The following KLF12 variants were observed in gnomAD, a reference collection of about 807,000 sequenced individuals.
KLF12 encodes KLF transcription factor 12, also known as Krueppel-like factor 12.
Under a neutral mutation model 37.8 loss-of-function variants are expected in KLF12, and 9 were observed. That is an observed-to-expected ratio of 0.24 (90% CI 0.14 to 0.42). The LOEUF is 0.42. KLF12 is among the 10% of genes least tolerant of loss of function. KLF12 has a pLI of 1.00. For synonymous variants in KLF12, 208 were observed against 202.1 expected (o/e 1.03, Z -0.25); for missense variants, 411 against 516.0 (o/e 0.80, Z 1.97).
chr13:74,053,440 A>G (rs1158482722), intron 1 of KLF12, among the ~76,000 whole-genome samples: 1 of 151,914 alleles, frequency 6.6e-6, no homozygotes, highest in African/African-American at 2.4e-5. Context: ...AGTCCTTCCC[A>G]TGTATTAATT....
the KLF12 span, among the ~76,000 whole-genome samples, chr13:74,194,019 T>C: frequency 6.6e-6 from 1 of 152,180 alleles, no homozygotes; most frequent in Admixed American, 6.5e-5. Context: ...ATATTTGTTG[T>C]AAGGGAAAGA....
chr13:73,916,207 T>G (rs930512112), intron 3 of KLF12, among the ~76,000 whole-genome samples: 2 of 77,814 alleles, frequency 2.6e-5, no homozygotes, highest in Non-Finnish European at 5.1e-5. Context: ...GAGCTAATAC[T>G]TACACACACA....
At chr13:74,140,692 A>G in the KLF12 span, among the ~76,000 whole-genome samples, 910 of 152,098 alleles carry the variant, frequency 6.0e-3, 13 homozygotes, top group African/African-American at 0.02. Flanking sequence ...GATGGGCTGA[A>G]TACAACTCCT....
At chr13:74,297,509 G>T in the KLF12 span, among the ~76,000 whole-genome samples, 1 of 152,236 alleles carries the variant, frequency 6.6e-6, no homozygotes, top group Non-Finnish European at 1.5e-5. Context: ...CAAGCTTGAA[G>T]TGTCTCTATA....
chr13:74,062,589 T>C (rs924468309), intron 1 of KLF12, among the ~76,000 whole-genome samples: 1 of 152,226 alleles, frequency 6.6e-6, no homozygotes, highest in African/African-American at 2.4e-5. Flanking sequence ...AAAATGCAAT[T>C]TACAAGTATT....
the KLF12 span, among the ~76,000 whole-genome samples, chr13:74,247,644 A>AT: frequency 1.3e-5 from 2 of 151,896 alleles, no homozygotes; most frequent in African/African-American, 2.4e-5. Context: ...TATTATTATT[A>AT]TTTTTTTGTA....
chr13:74,273,968 A>G, the KLF12 span, among the ~76,000 whole-genome samples: 1 of 152,308 alleles, frequency 6.6e-6, no homozygotes, highest in South Asian at 2.1e-4. Context: ...TGCAGTGATC[A>G]AACATCATAG....
intron 3 of KLF12, among the ~76,000 whole-genome samples, chr13:73,904,785 T>G (rs531796996): frequency 6.6e-6 from 1 of 152,152 alleles, no homozygotes; most frequent in Admixed American, 6.5e-5. Flanking sequence ...TTAACAGTGA[T>G]GCGTGTAGTT....
chr13:73,852,380 C>G (rs1408767248), intron 3 of KLF12, among the ~76,000 whole-genome samples: 1 of 152,116 alleles, frequency 6.6e-6, no homozygotes, highest in Non-Finnish European at 1.5e-5. Flanking sequence ...ACACTGATAA[C>G]CTGGAATTTG....
chr13:73,871,620 C>T (rs1886469441), intron 3 of KLF12, among the ~76,000 whole-genome samples: 1 of 151,864 alleles, frequency 6.6e-6, no homozygotes, highest in Admixed American at 6.6e-5. Flanking sequence ...ACCTCTGGGC[C>T]CTTCACACAT....
intron 3 of KLF12, among the ~76,000 whole-genome samples, chr13:73,861,772 T>TA (rs1231572355): frequency 6.6e-6 from 1 of 152,186 alleles, no homozygotes; most frequent in African/African-American, 2.4e-5. Context: ...TCCAAACATA[T>TA]ATACATGCAC....
chr13:74,206,606 G>A, the KLF12 span, among the ~76,000 whole-genome samples: 9 of 152,198 alleles, frequency 5.9e-5, no homozygotes, highest in South Asian at 2.1e-4. Flanking sequence ...AGGGATTTGC[G>A]CTGCATTGCA....
At chr13:74,188,269 T>A in the KLF12 span, among the ~76,000 whole-genome samples, 1 of 152,176 alleles carries the variant, frequency 6.6e-6, no homozygotes, top group Admixed American at 6.5e-5. Flanking sequence ...CTACCTACTA[T>A]ACCCAGACAC....
the KLF12 span, among the ~76,000 whole-genome samples, chr13:74,166,385 C>T: frequency 2.0e-5 from 3 of 152,090 alleles, no homozygotes; most frequent in East Asian, 5.8e-4. Context: ...ATCCACTGTG[C>T]CTGGCCAAGA....
intron 1 of KLF12, among the ~76,000 whole-genome samples, chr13:74,039,455 C>T (rs1893345526): frequency 6.6e-6 from 1 of 151,792 alleles, no homozygotes; most frequent in Non-Finnish European, 1.5e-5. Flanking sequence ...ACTGCTTGAG[C>T]CAGGTGAAGC....
intron 1 of KLF12, among the ~76,000 whole-genome samples, chr13:74,011,239 C>CA (rs58892976): frequency 0.25 from 13,982 of 55,518 alleles, 1,139 homozygotes; most frequent in African/African-American, 0.36. Context: ...CAAGTCAGAG[C>CA]AAAAAAAAAA....
chr13:73,925,508 A>C (rs928880211), intron 3 of KLF12, among the ~76,000 whole-genome samples: 2 of 152,214 alleles, frequency 1.3e-5, no homozygotes, highest in Non-Finnish European at 2.9e-5. Context: ...GCAAAATATT[A>C]CTTTGACAAT....
chr13:74,228,114 G>A, the KLF12 span, among the ~76,000 whole-genome samples: 1 of 151,924 alleles, frequency 6.6e-6, no homozygotes, highest in Non-Finnish European at 1.5e-5. Flanking sequence ...TTTAAATGTC[G>A]GTTTTCTTCT....
At chr13:74,044,735 C>G (rs1384048164) in intron 1 of KLF12, among the ~76,000 whole-genome samples, 2 of 151,736 alleles carry the variant, frequency 1.3e-5, no homozygotes, top group African/African-American at 4.8e-5. Flanking sequence ...GTCCCAGCTG[C>G]TCGGGAGGCT....
Sources: gnomAD v4.1 joint callset for allele counts (sites outside exome capture counted in the v4.1 genomes callset) on GRCh38, gnomAD v4.1.1 for gene constraint, MANE v1.5 for transcripts, NCBI Gene and HGNC (gene_info 2026-07-23, HGNC 2026-07-21) for gene names.